BET1: variants seen among roughly 807,000 people sequenced by gnomAD.
BET1 encodes the protein Bet1 golgi vesicular membrane trafficking protein.
In BET1, 9 loss-of-function variants were observed where a neutral mutation model predicts 13.9. The ratio of observed to expected loss-of-function variants is 0.65; its 90% CI spans 0.39 to 1.13. The LOEUF (loss-of-function observed/expected upper bound fraction) is 1.13. BET1 is among the 50% of genes most tolerant of loss of function. The pLI is 0.01. For synonymous variants in BET1, 39 were observed against 47.3 expected (o/e 0.82, Z 0.72); for missense variants, 127 against 133.6 (o/e 0.95, Z 0.24).
chr7:93,996,090 G>A (rs920116021), intron 3 of BET1, 175 bp downstream of exon 3: 2 of 566,062 alleles, frequency 3.5e-6, no homozygotes, highest in Non-Finnish European at 6.1e-6. Flanking sequence ...AAGACGAGAT[G>A]AAAAATGCAA....
chr7:93,993,701 A>G lies in BET1; in HGVS notation c.*529T>C, dbSNP rs559204290. On this transcript the variant is annotated 3_prime_UTR_variant, in exon 4 of 4. Transcript: ENST00000222547. ...AAATGAGGGGTCATTATCATCAAAA[A>G]TTATTAGGAAGATTGTAGGTAAAAA... 8.2e-6 allele frequency: 11 copies of G among 1,349,664 alleles called. No homozygotes were observed. In the African/African-American group the frequency reaches 1.2e-4, roughly 15 times the overall value. 83.6% of individuals were successfully genotyped at this position (1,349,664 alleles called of 1,614,324 possible).
chr7:94,004,163 G>C (rs746416329), intron 1 of BET1, 35 bp downstream of exon 1: 1 of 1,613,906 alleles, frequency 6.2e-7, no homozygotes, highest in South Asian at 1.1e-5. Context: ...CCCGGTTCTA[G>C]GGCCCCGAAC....
rs57913446 is a variant in BET1 at position 93,976,344 on chromosome 7, T to TTGTGTGTG, written c.236-252_236-245dup. ...GATACATTTTAAAGATATCTACTTA[T>TTGTGTGTG]TGTGTGTGTGTGTGTGTGTGTGTGT... On this transcript the variant is annotated intron_variant and NMD_transcript_variant, in intron 4 of 6. Transcript: ENST00000357520. Among the ~76,000 whole-genome samples the TTGTGTGTG allele has an allele frequency of 5.3e-3, 795 of 149,114 alleles. 7 individuals are homozygous for TTGTGTGTG. The highest frequency in any genetic ancestry group is 0.018 in the African/African-American group (726 of 40,686).
At chr7:93,976,142 A>G in intron 4 of BET1, 1 of 1,139,808 alleles carries the variant, frequency 8.8e-7, no homozygotes, top group Non-Finnish European at 1.1e-6. Flanking sequence ...AATAATTTGA[A>G]AAAACAAAAC....
chr7:93,971,440 A>G (rs920600713), intron 6 of BET1, among the ~76,000 whole-genome samples: 1 of 151,690 alleles, frequency 6.6e-6, no homozygotes, highest in Non-Finnish European at 1.5e-5. Context: ...ATTTAAGTCT[A>G]CAGAGTTTTT....
chr7:94,000,823 G>A (rs1369242262), intron 1 of BET1, among the ~76,000 whole-genome samples: 2 of 152,174 alleles, frequency 1.3e-5, no homozygotes, highest in African/African-American at 4.8e-5. Flanking sequence ...TGTGGGGAAA[G>A]GAATGATATC....
At chr7:93,999,779 A>G in intron 1 of BET1, 1 of 443,258 alleles carries the variant, frequency 2.3e-6, no homozygotes, top group South Asian at 1.6e-5. Context: ...GTTGGACAGG[A>G]AAGAGCCAAA....
chr7:93,980,253 G>A (rs1795404412), intron 4 of BET1, among the ~76,000 whole-genome samples: 1 of 152,116 alleles, frequency 6.6e-6, no homozygotes, highest in African/African-American at 2.4e-5. Context: ...CTGAATAGGA[G>A]GAAGGCTTCC....
intron 5 of BET1, among the ~76,000 whole-genome samples, chr7:93,974,944 T>C (rs1003143397): frequency 1.3e-5 from 2 of 152,066 alleles, no homozygotes; most frequent in African/African-American, 2.4e-5. Context: ...GATATACATA[T>C]ATTGACATGA....
At chr7:94,004,076 C>G in intron 1 of BET1, 122 bp downstream of exon 1, 1 of 1,392,588 alleles carries the variant, frequency 7.2e-7, no homozygotes, top group East Asian at 2.3e-5. Context: ...CCCAAAGATC[C>G]CCTCTAGACA....
intron 6 of BET1, among the ~76,000 whole-genome samples, chr7:93,966,871 G>A (rs762164364): frequency 6.6e-6 from 1 of 151,656 alleles, no homozygotes; most frequent in African/African-American, 2.4e-5. Flanking sequence ...TGGACCATCT[G>A]GAGTTAGTTC....
intron 6 of BET1, among the ~76,000 whole-genome samples, chr7:93,971,538 A>G (rs137931542): frequency 5.9e-5 from 9 of 151,866 alleles, no homozygotes; most frequent in African/African-American, 1.7e-4. Flanking sequence ...CTTCTGCTGA[A>G]TCTAAACAGC....
intron 2 of BET1, 105 bp from the exon 3 acceptor site, chr7:93,996,426 G>T (rs180935449): frequency 2.5e-6 from 2 of 793,188 alleles, no homozygotes; most frequent in South Asian, 2.0e-5. Context: ...GAAATGAAAC[G>T]GTCTTCTAGA....
intron 4 of BET1, among the ~76,000 whole-genome samples, chr7:93,977,877 T>C (rs189387818): frequency 6.6e-6 from 1 of 152,262 alleles, no homozygotes; most frequent in East Asian, 1.9e-4. Flanking sequence ...GAGTCTTTCT[T>C]TGTGACGGTT....
At chr7:93,979,533 C>G (rs1795392587) in intron 4 of BET1, among the ~76,000 whole-genome samples, 1 of 152,052 alleles carries the variant, frequency 6.6e-6, no homozygotes, top group African/African-American at 2.4e-5. Flanking sequence ...CTCCCCATGA[C>G]ACATCAGCAA....
chr7:93,977,515 T>C (rs1031364699), intron 4 of BET1, among the ~76,000 whole-genome samples: 5 of 152,178 alleles, frequency 3.3e-5, no homozygotes, highest in Non-Finnish European at 5.9e-5. Context: ...CCTCATATTT[T>C]AAATTATTTA....
intron 3 of BET1, 87 bp downstream of exon 3, chr7:93,996,178 C>T (rs776650991): frequency 2.0e-6 from 2 of 988,884 alleles, no homozygotes; most frequent in Non-Finnish European, 3.1e-6. Flanking sequence ...CTTACGATCT[C>T]TGTATTTCAA....
intron 2 of BET1, among the ~76,000 whole-genome samples, chr7:93,996,808 G>A (rs1275957265): frequency 6.6e-6 from 1 of 151,506 alleles, no homozygotes; most frequent in Non-Finnish European, 1.5e-5. Context: ...TTGTTGTACG[G>A]ATTATTTCGT....
Position 93,994,156 on chromosome 7 carries a change from TG to T in BET1, c.*73del. The T allele has an allele frequency of 1.3e-6, 2 of 1,519,810 alleles. No homozygotes were observed. The highest frequency in any genetic ancestry group is 1.8e-6 in the Non-Finnish European group (2 of 1,138,912). The allele number at this position is 1,519,810 out of a possible 1,614,324, so 94.1% of individuals were successfully genotyped here. A position where few individuals can be genotyped will look rare whatever the true frequency, so the allele number is the denominator to read the frequency against. ...CAGTATTTGAACACTAGGAATGTTTTGATGCTGATTTTTATCAAAGTGGTAC... is the reference window on the plus strand; with the variant it reads ...CAGTATTTGAACACTAGGAATGTTTTATGCTGATTTTTATCAAAGTGGTAC... On this transcript the variant is annotated 3_prime_UTR_variant, in exon 4 of 4. Coordinates refer to ENST00000222547, the MANE Select transcript of BET1 (RefSeq NM_005868.6).
Sources: allele counts gnomAD v4.1 joint callset (sites outside exome capture counted in the v4.1 genomes callset), GRCh38; gene constraint gnomAD v4.1.1; transcripts MANE v1.5; gene names NCBI Gene and HGNC (gene_info 2026-07-23, HGNC 2026-07-21).